Variants in PARD6G observed in about 807,000 individuals in gnomAD.
The protein encoded by PARD6G is par-6 family cell polarity regulator gamma.
A neutral mutation model predicts 10.7 loss-of-function variants in PARD6G; 7 were observed. The ratio of observed to expected loss-of-function variants is 0.66; its 90% CI spans 0.37 to 1.23. The LOEUF is 1.23. PARD6G is among the 50% of genes most tolerant of loss of function. The probability of loss-of-function intolerance (pLI) is 0.02; values close to 1 mark genes in which losing one functional copy is unlikely to be tolerated. For missense variants in PARD6G, 548 were observed against 571.8 expected (o/e 0.96, Z 0.42); for synonymous variants, 287 against 269.4 (o/e 1.07, Z -0.64).
rs1347526248 is a variant in PARD6G, at chr18:80,240,020, G to A, written c.72+7257C>T. Among the ~76,000 whole-genome samples, 4 of 152,172 alleles carry A rather than the reference G, an allele frequency of 2.6e-5. No individual in the cohort carries two copies. In the South Asian group the frequency reaches 6.2e-4, roughly 24 times the overall value. Reference sequence around the variant, plus strand: ...GGCAAGAGAGGAGGCAACGGGGGAGGAGCCAGGCTCTTGTTAACAACCAGC... The same window carrying A: ...GGCAAGAGAGGAGGCAACGGGGGAGAAGCCAGGCTCTTGTTAACAACCAGC... On this transcript the variant is annotated intron_variant, in intron 1 of 2. Transcript: ENST00000353265.
At chr18:80,169,796 G>C (rs1021639778) in intron 2 of PARD6G, 3 of 152,228 alleles carry the variant, frequency 2.0e-5, no homozygotes, top group African/African-American at 4.8e-5. Flanking sequence ...GAGTGGCTGC[G>C]AGTCACCCTG....
intron 2 of PARD6G, among the ~76,000 whole-genome samples, chr18:80,186,273 T>A (rs527992863): frequency 5.7e-4 from 69 of 120,888 alleles, no homozygotes; most frequent in Non-Finnish European, 1.1e-3. Context: ...CACACATGCA[T>A]ACACCCTCAC....
At chr18:80,207,418 C>T (rs113981975) in intron 1 of PARD6G, among the ~76,000 whole-genome samples, 2 of 150,318 alleles carry the variant, frequency 1.3e-5, no homozygotes, top group South Asian at 2.1e-4. Context: ...AAGATTCTTC[C>T]GAAGTTTATT....
At chr18:80,195,365 C>T (rs191741298) in intron 2 of PARD6G, among the ~76,000 whole-genome samples, 458 of 151,628 alleles carry the variant, frequency 3.0e-3, no homozygotes, top group Middle Eastern at 6.8e-3. Context: ...TTGGAGCAGG[C>T]GGGAATCCCT....
At chr18:80,167,370 G>A (rs1481831725) in intron 2 of PARD6G, among the ~76,000 whole-genome samples, 1 of 152,152 alleles carries the variant, frequency 6.6e-6, no homozygotes, top group East Asian at 1.9e-4. Flanking sequence ...TAACACATGG[G>A]CAGTGCTGAG....
chr18:80,191,383 T>C (rs936656186), intron 2 of PARD6G, among the ~76,000 whole-genome samples: 5 of 152,296 alleles, frequency 3.3e-5, no homozygotes, highest in African/African-American at 1.2e-4. Context: ...CTGCTCTGTA[T>C]GGTTCTTTGG....
intron 1 of PARD6G, among the ~76,000 whole-genome samples, chr18:80,222,495 G>A (rs1967242662): frequency 6.6e-6 from 1 of 152,106 alleles, no homozygotes; most frequent in Non-Finnish European, 1.5e-5. Context: ...TCAGCAAGCT[G>A]ATCCTAAATT....
At chr18:80,185,567 G>A (rs551016153) in intron 2 of PARD6G, among the ~76,000 whole-genome samples, 1 of 152,000 alleles carries the variant, frequency 6.6e-6, no homozygotes, top group South Asian at 2.1e-4. Context: ...ATTATTCTAG[G>A]CACATGACCA....
chr18:80,239,728 C>G (rs973656235), intron 1 of PARD6G, among the ~76,000 whole-genome samples: 1 of 152,246 alleles, frequency 6.6e-6, no homozygotes, highest in Non-Finnish European at 1.5e-5. Context: ...ACCTTTTCCC[C>G]TCAGCTACAG....
At chr18:80,163,152 T>C (rs2052711894) in intron 2 of PARD6G, among the ~76,000 whole-genome samples, 1 of 152,216 alleles carries the variant, frequency 6.6e-6, no homozygotes, top group African/African-American at 2.4e-5. Context: ...AACTCATGCC[T>C]GCAAGAACAT....
chr18:80,242,736 G>A (rs1031679907), intron 1 of PARD6G, among the ~76,000 whole-genome samples: 1 of 152,166 alleles, frequency 6.6e-6, no homozygotes, highest in South Asian at 2.1e-4. Flanking sequence ...AGAGAAAAAG[G>A]ATTCAGGACA....
intron 2 of PARD6G, among the ~76,000 whole-genome samples, chr18:80,176,441 T>C (rs1348796594): frequency 6.6e-6 from 1 of 152,190 alleles, no homozygotes; most frequent in African/African-American, 2.4e-5. Context: ...CAACTTACAA[T>C]GTATACTTCC....
chr18:80,216,074 C>G (rs912912435), intron 1 of PARD6G, among the ~76,000 whole-genome samples: 1 of 151,972 alleles, frequency 6.6e-6, no homozygotes, highest in African/African-American at 2.4e-5. Flanking sequence ...CAATTATAAA[C>G]ATATATACAT....
At chr18:80,234,772 T>C (rs551518752) in intron 1 of PARD6G, among the ~76,000 whole-genome samples, 17 of 152,176 alleles carry the variant, frequency 1.1e-4, no homozygotes, top group African/African-American at 3.6e-4. Context: ...GGCCATTACA[T>C]AATGGTAAAG....
chr18:80,159,729 T>C lies in PARD6G; in HGVS notation c.*42A>G, dbSNP rs1042673946. ...AGTCTGCAGGTCCTGTCCCTGTCCT[T>C]ACCGGGGAACTGGAGCTAGGATTTG... On this transcript the variant is annotated 3_prime_UTR_variant, in exon 3 of 3. Coordinates refer to ENST00000353265, the MANE Select transcript of PARD6G (RefSeq NM_032510.4). The C allele has an allele frequency of 4.4e-6, 6 of 1,359,846 alleles. No homozygotes were observed. Among genetic ancestry groups the C allele is most frequent in the Non-Finnish European group, 5.7e-6 (6 of 1,054,690 alleles). The allele number at this position is 1,359,846 out of a possible 1,614,324, so 84.2% of individuals were successfully genotyped here.
At chr18:80,174,682 C>T (rs1227259396) in intron 2 of PARD6G, among the ~76,000 whole-genome samples, 11 of 151,594 alleles carry the variant, frequency 7.3e-5, no homozygotes, top group South Asian at 4.3e-4. Context: ...AGGCTGGGTG[C>T]GGTGGCTCAC....
intron 2 of PARD6G, among the ~76,000 whole-genome samples, chr18:80,160,910 G>A (rs1352951909): frequency 6.6e-6 from 1 of 152,236 alleles, no homozygotes; most frequent in African/African-American, 2.4e-5. Context: ...AGGGCTTGGA[G>A]GGCTGGCGAG....
At chr18:80,206,069 TAA>T (rs1967051000) in intron 1 of PARD6G, among the ~76,000 whole-genome samples, 1 of 152,358 alleles carries the variant, frequency 6.6e-6, no homozygotes, top group African/African-American at 2.4e-5. Flanking sequence ...GCAACTAACC[TAA>T]AACACATCTC....
rs1311826300 is a variant in PARD6G, at chr18:80,161,666, TG to T, written c.296-1061del. 1 of 152,184 alleles carries T rather than the reference TG, an allele frequency of 6.6e-6. No homozygotes were observed. The highest frequency in any genetic ancestry group is 6.5e-5 in the Admixed American group (1 of 15,282). The allele number at this position is 152,184 out of a possible 1,614,324, so 9.4% of individuals were successfully genotyped here. A position where few individuals can be genotyped will look rare whatever the true frequency, so the allele number is the denominator to read the frequency against. ...GTCTCGGGGAGCAGAGGGAAGGGCT[TG>T]CTCTGTGAGGCTTGGTCCTGTGGAG... On this transcript the variant is annotated intron_variant, in intron 2 of 2. Coordinates refer to ENST00000353265, the MANE Select transcript of PARD6G (RefSeq NM_032510.4). This position sits in a 1 kb window ranked among gnomAD's most constrained non-coding sequence, Gnocchi z 4.6.
Sources: allele counts gnomAD v4.1 joint callset (sites outside exome capture counted in the v4.1 genomes callset), GRCh38; gene constraint gnomAD v4.1.1; non-coding constraint Gnocchi (gnomAD v3.1); transcripts MANE v1.5; gene names NCBI Gene and HGNC (gene_info 2026-07-23, HGNC 2026-07-21).